The following SGCZ variants were observed in gnomAD, a reference collection of about 807,000 sequenced individuals.
SGCZ encodes the protein sarcoglycan zeta.
SGCZ carries 40 observed loss-of-function variants against 41.3 expected under a neutral mutation model. The observed-to-expected ratio is 0.97, with a 90% confidence interval of 0.75 to 1.26. SGCZ has a LOEUF of 1.26. SGCZ is among the 50% of genes most tolerant of loss of function. The pLI is 0.00. For synonymous variants in SGCZ, 206 were observed against 137.5 expected, an observed-to-expected ratio of 1.50 and a Z score of -3.49; for missense variants, 552 against 369.8, an observed-to-expected ratio of 1.49 and a Z score of -4.04.
chr8:14,119,637 A>G (rs1029991280), intron 5 of SGCZ, among the ~76,000 whole-genome samples: 2 of 152,124 alleles, frequency 1.3e-5, no homozygotes, highest in African/African-American at 4.8e-5. Context: ...GTCTTATGCC[A>G]GTTTTTGAAG....
intron 4 of SGCZ, among the ~76,000 whole-genome samples, chr8:14,232,897 T>A (rs1223087343): frequency 6.6e-6 from 1 of 152,086 alleles, no homozygotes; most frequent in African/African-American, 2.4e-5. Context: ...AAAACTAAAA[T>A]TTCAGAAGAA....
At chr8:15,175,589 A>G (rs1163379493) in intron 1 of SGCZ, among the ~76,000 whole-genome samples, 1 of 152,046 alleles carries the variant, frequency 6.6e-6, no homozygotes, top group Non-Finnish European at 1.5e-5. Flanking sequence ...AATGAATACA[A>G]GGCTTAATAC....
At chr8:14,300,036 GT>G (rs1201856996) in intron 3 of SGCZ, among the ~76,000 whole-genome samples, 1 of 151,914 alleles carries the variant, frequency 6.6e-6, no homozygotes, top group African/African-American at 2.4e-5. Flanking sequence ...TTGATCTATG[GT>G]TTTGTAAGTC....
At chr8:14,570,175 C>G (rs1804508233) in intron 1 of SGCZ, among the ~76,000 whole-genome samples, 2 of 152,094 alleles carry the variant, frequency 1.3e-5, no homozygotes, top group African/African-American at 2.4e-5. Flanking sequence ...GTAACTCCTT[C>G]AAGCAGAGCA....
intron 3 of SGCZ, among the ~76,000 whole-genome samples, chr8:14,279,070 C>G (rs1245761129): frequency 6.6e-6 from 1 of 152,006 alleles, no homozygotes; most frequent in Non-Finnish European, 1.5e-5. Context: ...TGCCACTTCT[C>G]TTACTATATA....
chr8:14,335,032 A>G (rs1004693010), intron 2 of SGCZ, among the ~76,000 whole-genome samples: 2 of 152,092 alleles, frequency 1.3e-5, no homozygotes, highest in Admixed American at 6.6e-5. Context: ...GTCAACAGAG[A>G]AAGGACAGAA....
chr8:14,224,311 T>G (rs1053512178), intron 4 of SGCZ, among the ~76,000 whole-genome samples: 2 of 151,572 alleles, frequency 1.3e-5, no homozygotes, highest in Non-Finnish European at 1.5e-5. Flanking sequence ...GAACCAATAG[T>G]GACATTGCAA....
Position 14,187,375 on chromosome 8 carries a change from T to A in SGCZ, c.425-22673A>T, listed in dbSNP as rs1156474860. Among the ~76,000 whole-genome samples the A allele has an allele frequency of 2.0e-5, 3 of 152,164 alleles. 1 individual carries two copies. Among genetic ancestry groups the A allele is most frequent in the Non-Finnish European group, 4.4e-5 (3 of 68,012 alleles). On this transcript the variant is annotated intron_variant, in intron 4 of 7. Transcript: ENST00000382080. ...AAAAAAGCAGGCAACAGAAACTGCTTGTGAGAATGAGCAAATGTCAGACTT... is the reference window on the plus strand; with the variant it reads ...AAAAAAGCAGGCAACAGAAACTGCTAGTGAGAATGAGCAAATGTCAGACTT...
At chr8:15,199,551 G>C (rs1172308829) in intron 1 of SGCZ, among the ~76,000 whole-genome samples, 1 of 152,136 alleles carries the variant, frequency 6.6e-6, no homozygotes, top group Non-Finnish European at 1.5e-5. Flanking sequence ...AGGAGGGAAA[G>C]CATGAAGGAA....
chr8:14,414,293 ACG>A (rs1311914839), intron 2 of SGCZ, among the ~76,000 whole-genome samples: 1 of 151,926 alleles, frequency 6.6e-6, no homozygotes, highest in Non-Finnish European at 1.5e-5. Flanking sequence ...GTTTATCTAG[ACG>A]TTACTTAATT....
chr8:14,767,064 G>A (rs1800059285), intron 1 of SGCZ, among the ~76,000 whole-genome samples: 1 of 151,716 alleles, frequency 6.6e-6, no homozygotes, highest in Non-Finnish European at 1.5e-5. Flanking sequence ...ATCATCTGGT[G>A]TTTTATTTTT....
intron 1 of SGCZ, among the ~76,000 whole-genome samples, chr8:15,219,452 G>A (rs549023322): frequency 6.6e-6 from 1 of 152,014 alleles, no homozygotes; most frequent in East Asian, 1.9e-4. Flanking sequence ...ATTATTCGTT[G>A]GTCAAAAATC....
intron 1 of SGCZ, among the ~76,000 whole-genome samples, chr8:15,120,089 T>A (rs1402537700): frequency 1.3e-5 from 2 of 152,148 alleles, no homozygotes; most frequent in African/African-American, 4.8e-5. Context: ...CAAGTGACCC[T>A]CCCACCTCGG....
intron 4 of SGCZ, among the ~76,000 whole-genome samples, chr8:14,231,160 A>AGTGTGT (rs71209027): frequency 0.23 from 26,148 of 111,830 alleles, 3,551 homozygotes; most frequent in Non-Finnish European, 0.3. Context: ...TCTTTGGGCA[A>AGTGTGT]GTGTGTGTGT....
Position 14,512,835 on chromosome 8 carries a change from C to T in SGCZ, c.234+41897G>A, listed in dbSNP as rs575622883. ...GAAGGAACTTTATTAATTGTCTACC[C>T]TGGTGCTTCTGAAGTTTCATTGAAG... On this transcript the variant is annotated intron_variant, in intron 2 of 7. Coordinates refer to ENST00000382080, the MANE Select transcript of SGCZ (RefSeq NM_139167.4). 3.2e-3 allele frequency among the ~76,000 whole-genome samples: 492 copies of T among 152,084 alleles called. 4 individuals are homozygous for T. Among genetic ancestry groups the T allele is most frequent in the Non-Finnish European group, 4.6e-3 (313 of 67,994 alleles).
chr8:14,288,630 T>C (rs566021887), intron 3 of SGCZ, among the ~76,000 whole-genome samples: 3 of 152,314 alleles, frequency 2.0e-5, no homozygotes, highest in Admixed American at 6.5e-5. Flanking sequence ...AATCCTTTCA[T>C]AGCTTAATAA....
chr8:14,553,618 G>GC (rs1199925101), intron 2 of SGCZ, among the ~76,000 whole-genome samples: 6 of 152,138 alleles, frequency 3.9e-5, no homozygotes, highest in Admixed American at 3.9e-4. Flanking sequence ...CCACCTGCCC[G>GC]CACAGGCTCC....
chr8:14,774,100 G>A (rs1360320003), intron 1 of SGCZ, among the ~76,000 whole-genome samples: 1 of 152,066 alleles, frequency 6.6e-6, no homozygotes, highest in Admixed American at 6.6e-5. Flanking sequence ...TTAAATCACT[G>A]GATTTTGAGT....
In SGCZ at chr8:14,201,122, C is replaced by T. The variant is rs139209148; in HGVS notation, c.425-36420G>A. On this transcript the variant is annotated intron_variant, in intron 4 of 7. Coordinates refer to ENST00000382080, the MANE Select transcript of SGCZ (RefSeq NM_139167.4). ...CAAAAATGTTTAAATGGTGAAATAG[C>T]AAGTTTTGCTTTGGATATAGAATGA... Among the ~76,000 whole-genome samples, 123 of 152,190 alleles carry T rather than the reference C, an allele frequency of 8.1e-4. 1 individual carries two copies. In the East Asian group the frequency reaches 0.017, roughly 21 times the overall value.
Sources: gnomAD v4.1 joint callset for allele counts (sites outside exome capture counted in the v4.1 genomes callset) on GRCh38, gnomAD v4.1.1 for gene constraint, MANE v1.5 for transcripts, NCBI Gene and HGNC (gene_info 2026-07-23, HGNC 2026-07-21) for gene names.